The following RBFOX1 variants were observed in gnomAD, a reference collection of about 807,000 sequenced individuals.
RBFOX1 encodes the protein RNA binding protein fox-1 homolog 1.
RBFOX1 carries 8 observed loss-of-function variants against 57.7 expected under a neutral mutation model. The observed-to-expected ratio is 0.14, with a 90% CI of 0.08 to 0.25. RBFOX1 has a LOEUF of 0.25. Ranked by LOEUF, RBFOX1 falls within the 10% of genes least tolerant of loss-of-function variation. The probability of loss-of-function intolerance (pLI) is 1.00; values close to 1 mark genes in which losing one functional copy is unlikely to be tolerated. For missense variants in RBFOX1, 611 were observed against 548.5 expected, an observed-to-expected ratio of 1.11 and a Z score of -1.14; for synonymous variants, 326 against 222.4, an observed-to-expected ratio of 1.47 and a Z score of -4.15.
intron 3 of RBFOX1, among the ~76,000 whole-genome samples, chr16:5,671,883 C>G (rs2050022322): frequency 6.6e-6 from 1 of 152,170 alleles, no homozygotes; most frequent in African/African-American, 2.4e-5. Context: ...CACCTATCAG[C>G]CTTGCAGAAT....
Position 5,363,055 on chromosome 16 carries a change from A to T in RBFOX1, c.220-104161A>T, listed in dbSNP as rs115243911. 9.5e-3 allele frequency among the ~76,000 whole-genome samples: 1,059 copies of T among 111,118 alleles called. 17 individuals carry two copies. The highest frequency in any genetic ancestry group is 0.036 in the African/African-American group (1,023 of 28,328). 72.9% of individuals were successfully genotyped at this position (111,118 alleles called of 152,430 possible). A position where few individuals can be genotyped will look rare whatever the true frequency, so the allele number is the denominator to read the frequency against. ...TCTTTTTTTTTTTTTTTTTTTTGAGATGGAGTATCTCTGTGTCACCTAGGC... is the reference window on the plus strand; with the variant it reads ...TCTTTTTTTTTTTTTTTTTTTTGAGTTGGAGTATCTCTGTGTCACCTAGGC... On this transcript the variant is annotated intron_variant, in intron 1 of 2. Coordinates refer to the RBFOX1 transcript ENST00000585867.
chr16:7,195,772 T>C (rs564390695), intron 4 of RBFOX1, among the ~76,000 whole-genome samples: 41 of 152,234 alleles, frequency 2.7e-4, no homozygotes, highest in Non-Finnish European at 4.4e-4. Flanking sequence ...AGACTGGTGT[T>C]CAACTCCTGA....
At chr16:6,907,722 C>T (rs1331230323) in intron 3 of RBFOX1, among the ~76,000 whole-genome samples, 2 of 152,070 alleles carry the variant, frequency 1.3e-5, no homozygotes, top group Non-Finnish European at 2.9e-5. Flanking sequence ...AGGCATGCAC[C>T]ACCATGCTTG....
chr16:7,551,432 T>C (rs2152551325), intron 5 of RBFOX1, among the ~76,000 whole-genome samples: 1 of 152,026 alleles, frequency 6.6e-6, no homozygotes, highest in East Asian at 1.9e-4. Context: ...GGGGCCCAAA[T>C]AAGGAATATT....
At chr16:5,379,884 T>C (rs1333288742) in intron 1 of RBFOX1, among the ~76,000 whole-genome samples, 1 of 152,128 alleles carries the variant, frequency 6.6e-6, no homozygotes, top group Non-Finnish European at 1.5e-5. Flanking sequence ...TTTAGGTCCT[T>C]TTTGGCCAGG....
intron 2 of RBFOX1, among the ~76,000 whole-genome samples, chr16:6,486,445 A>C (rs2095483921): frequency 6.6e-6 from 1 of 152,162 alleles, no homozygotes; most frequent in South Asian, 2.1e-4. Flanking sequence ...GATTATTATT[A>C]ATTAAACTTA....
chr16:6,684,785 T>G (rs1352928300), intron 3 of RBFOX1, among the ~76,000 whole-genome samples: 3 of 152,242 alleles, frequency 2.0e-5, no homozygotes, highest in Non-Finnish European at 4.4e-5. Flanking sequence ...CAGGAAAGTT[T>G]GGAGGAAAAG....
chr16:6,591,983 A>T (rs2097717513), intron 2 of RBFOX1, among the ~76,000 whole-genome samples: 1 of 152,204 alleles, frequency 6.6e-6, no homozygotes, highest in African/African-American at 2.4e-5. Context: ...TGTGGGCTGT[A>T]TGACTTCCTA....
intron 1 of RBFOX1, among the ~76,000 whole-genome samples, chr16:5,354,873 T>A (rs1390791081): frequency 6.6e-6 from 1 of 152,186 alleles, no homozygotes; most frequent in Non-Finnish European, 1.5e-5. Context: ...GTGGAGGGTG[T>A]TGGCTTGGTT....
intron 3 of RBFOX1, among the ~76,000 whole-genome samples, chr16:6,944,422 A>G (rs2079107377): frequency 6.6e-6 from 1 of 151,854 alleles, no homozygotes. Context: ...AAAAGAAAGA[A>G]AAGAAAAAAG....
intron 1 of RBFOX1, among the ~76,000 whole-genome samples, chr16:6,109,023 G>C (rs960690028): frequency 6.6e-6 from 1 of 152,042 alleles, no homozygotes; most frequent in Admixed American, 6.6e-5. Context: ...TGATATCTTC[G>C]GGTGGCGATT....
At chr16:5,908,204 A>ACACACATATATACATATATATG (rs1567133865) in intron 4 of RBFOX1, among the ~76,000 whole-genome samples, 3 of 120,228 alleles carry the variant, frequency 2.5e-5, no homozygotes, top group South Asian at 3.1e-4. Flanking sequence ...ATACATATAC[A>ACACACATATATACATATATATG]CACATATATA....
intron 4 of RBFOX1, among the ~76,000 whole-genome samples, chr16:7,089,902 T>C (rs898547134): frequency 5.9e-5 from 4 of 67,802 alleles, no homozygotes; most frequent in African/African-American, 2.2e-4. Context: ...TTCAGATTTT[T>C]TTTCTGCATT....
rs143441080 is a variant in RBFOX1 at position 6,253,883 on chromosome 16, G to A, written c.-126-63112G>A. Among the ~76,000 whole-genome samples, 429 of 152,090 alleles carry A rather than the reference G, an allele frequency of 2.8e-3. 8 individuals carry two copies. Among genetic ancestry groups the A allele is most frequent in the Non-Finnish European group, 2.2e-3 (152 of 67,996 alleles). On this transcript the variant is annotated intron_variant, in intron 1 of 15. Transcript: ENST00000550418. Reference sequence around the variant, plus strand: ...TGGTATTCCTCTTTGGAGCAGCCCCGTCACAACAGCAATTGGAATAAAACC... The same window carrying A: ...TGGTATTCCTCTTTGGAGCAGCCCCATCACAACAGCAATTGGAATAAAACC...
intron 5 of RBFOX1, among the ~76,000 whole-genome samples, chr16:7,523,241 A>G (rs571973887): frequency 1.1e-4 from 17 of 152,238 alleles, no homozygotes; most frequent in African/African-American, 3.4e-4. Context: ...TTACCTACAC[A>G]TGGGCATTTG....
chr16:7,373,808 C>A (rs569705672), intron 4 of RBFOX1, among the ~76,000 whole-genome samples: 1 of 152,196 alleles, frequency 6.6e-6, no homozygotes, highest in South Asian at 2.1e-4. Context: ...ATTCACAGAG[C>A]AACTTTTTTC....
chr16:6,984,275 C>T (rs531783448), intron 3 of RBFOX1, among the ~76,000 whole-genome samples: 1 of 152,152 alleles, frequency 6.6e-6, no homozygotes, highest in South Asian at 2.1e-4. Context: ...ATCCTGGATC[C>T]TCCTGTACTA....
chr16:6,116,989 A>G (rs1003724569), intron 1 of RBFOX1, among the ~76,000 whole-genome samples: 8 of 152,190 alleles, frequency 5.3e-5, no homozygotes, highest in Non-Finnish European at 8.8e-5. Context: ...TCCTTTCAAG[A>G]GCTAGAGTAT....
At chr16:5,312,454 G>T (rs1451999171) in intron 1 of RBFOX1, among the ~76,000 whole-genome samples, 1 of 152,180 alleles carries the variant, frequency 6.6e-6, no homozygotes, top group Non-Finnish European at 1.5e-5. Flanking sequence ...GAGTAGCTGG[G>T]ATTACAGGTG....
Sources: gnomAD v4.1 joint callset for allele counts (sites outside exome capture counted in the v4.1 genomes callset) on GRCh38, gnomAD v4.1.1 for gene constraint, MANE v1.5 for transcripts, NCBI Gene and HGNC (gene_info 2026-07-23, HGNC 2026-07-21) for gene names.